Variants in LHFPL3 observed in about 807,000 individuals in gnomAD.
LHFPL3 encodes the protein LHFPL tetraspan subfamily member 3 protein.
LHFPL3 carries 5 observed loss-of-function variants against 19.3 expected under a neutral mutation model. That is an observed-to-expected ratio of 0.26 (90% CI 0.14 to 0.54). LHFPL3 has a LOEUF of 0.54. Among genes scored for constraint, LHFPL3 ranks in the 20% least tolerant of loss-of-function variants. The pLI, the probability that LHFPL3 is intolerant of heterozygous loss-of-function variation, is 0.94. For missense variants in LHFPL3, 249 were observed against 307.4 expected (o/e 0.81, Z 1.42); for synonymous variants, 133 against 126.2 (o/e 1.05, Z -0.36).
chr7:104,876,603 T>G (rs1260937593), intron 2 of LHFPL3, among the ~76,000 whole-genome samples: 25 of 151,224 alleles, frequency 1.7e-4, no homozygotes, highest in African/African-American at 4.6e-4. Flanking sequence ...TTAGAATGGC[T>G]ATCATTAAAA....
At chr7:104,836,386 G>T (rs1195966531) in intron 2 of LHFPL3, among the ~76,000 whole-genome samples, 2 of 152,160 alleles carry the variant, frequency 1.3e-5, no homozygotes, top group Non-Finnish European at 2.9e-5. Flanking sequence ...TGGCTGTCTT[G>T]TTGCTTTCTT....
chr7:104,378,206 A>T (rs1790755499), intron 1 of LHFPL3, among the ~76,000 whole-genome samples: 1 of 152,158 alleles, frequency 6.6e-6, no homozygotes, highest in South Asian at 2.1e-4. Flanking sequence ...CACCCCTAAC[A>T]CTTCCCTCCT....
intron 1 of LHFPL3, among the ~76,000 whole-genome samples, chr7:104,601,376 C>A (rs895997502): frequency 3.3e-5 from 5 of 152,054 alleles, no homozygotes; most frequent in African/African-American, 1.2e-4. Context: ...TGTTGAGTAC[C>A]TCCATGTACC....
At chr7:104,731,768 G>C (rs913893317) in intron 1 of LHFPL3, among the ~76,000 whole-genome samples, 2 of 151,776 alleles carry the variant, frequency 1.3e-5, no homozygotes, top group Non-Finnish European at 2.9e-5. Context: ...ATGTTGAATA[G>C]GAGTGGTGAG....
chr7:104,584,453 TATA>T (rs944172197), intron 1 of LHFPL3, among the ~76,000 whole-genome samples: 8 of 151,948 alleles, frequency 5.3e-5, no homozygotes, highest in African/African-American at 1.7e-4. Flanking sequence ...AAACTTAAAG[TATA>T]ATAATAATAA....
rs570940918 is a variant in LHFPL3, at chr7:104,430,017, A to T, written c.445+100793A>T. Among the ~76,000 whole-genome samples the T allele has an allele frequency of 3.3e-5, 5 of 152,238 alleles. No homozygotes were observed. The East Asian group carries it at 9.7e-4, about 29-fold the overall frequency. On this transcript the variant is annotated intron_variant, in intron 1 of 2. Transcript: ENST00000424859. ...GAGAAATGGCTCAATGGCTCCTCAA[A>T]CCGCTCTAGCTGCTCAACATCGTCT...
intron 1 of LHFPL3, among the ~76,000 whole-genome samples, chr7:104,569,273 T>TAAG (rs1259290782): frequency 2.0e-5 from 3 of 152,250 alleles, no homozygotes; most frequent in Non-Finnish European, 4.4e-5. Flanking sequence ...TGTGTCCTAT[T>TAAG]AAGACTCCAG....
chr7:104,722,806 G>GT (rs909879404), intron 1 of LHFPL3, among the ~76,000 whole-genome samples: 3 of 152,138 alleles, frequency 2.0e-5, no homozygotes, highest in Non-Finnish European at 4.4e-5. Flanking sequence ...GCGGATGCAG[G>GT]TTCCTTTTTT....
At chr7:104,900,589 G>T (rs59920061) in intron 2 of LHFPL3, among the ~76,000 whole-genome samples, 1 of 152,194 alleles carries the variant, frequency 6.6e-6, no homozygotes, top group Admixed American at 6.5e-5. Flanking sequence ...AGGGAGACAG[G>T]AGGAGTCAGC....
intron 1 of LHFPL3, among the ~76,000 whole-genome samples, chr7:104,686,716 G>A (rs1403732527): frequency 1.3e-5 from 2 of 152,188 alleles, no homozygotes; most frequent in African/African-American, 2.4e-5. Flanking sequence ...CAACTGACCA[G>A]CTATGTATTA....
At chr7:104,447,898 C>T (rs975678508) in intron 1 of LHFPL3, among the ~76,000 whole-genome samples, 7 of 152,116 alleles carry the variant, frequency 4.6e-5, no homozygotes, top group Admixed American at 2.0e-4. Context: ...GACACATGTA[C>T]TATGTTAAGT....
At chr7:104,821,557 G>A (rs906767332) in intron 2 of LHFPL3, among the ~76,000 whole-genome samples, 6 of 152,198 alleles carry the variant, frequency 3.9e-5, no homozygotes, top group African/African-American at 1.4e-4. Context: ...TTCCCAGGAG[G>A]CAGAACTGTG....
intron 1 of LHFPL3, among the ~76,000 whole-genome samples, chr7:104,484,687 A>G (rs1477692070): frequency 6.6e-6 from 1 of 152,170 alleles, no homozygotes; most frequent in African/African-American, 2.4e-5. Context: ...ATAGTTCTGG[A>G]GGCTGGGAAG....
chr7:104,844,782 A>G (rs867128288), intron 2 of LHFPL3, among the ~76,000 whole-genome samples: 14 of 152,208 alleles, frequency 9.2e-5, no homozygotes, highest in African/African-American at 3.4e-4. Context: ...GCTGTCACCC[A>G]GGCTGGAGTG....
chr7:104,355,138 T>G (rs974382105), intron 1 of LHFPL3, among the ~76,000 whole-genome samples: 4 of 152,238 alleles, frequency 2.6e-5, no homozygotes, highest in Admixed American at 6.5e-5. Context: ...CAAATAGTAC[T>G]GCTTTCCATG....
chr7:104,382,483 T>C (rs188579900), intron 1 of LHFPL3, among the ~76,000 whole-genome samples: 1 of 152,282 alleles, frequency 6.6e-6, no homozygotes, highest in East Asian at 1.9e-4. Flanking sequence ...CTGGTCTGGT[T>C]ACCCTCAAGC....
At chr7:104,718,225 C>A (rs1314065757) in intron 1 of LHFPL3, among the ~76,000 whole-genome samples, 2 of 152,020 alleles carry the variant, frequency 1.3e-5, no homozygotes, top group East Asian at 1.9e-4. Context: ...ATTCGTAGAA[C>A]ATTGTGCTTA....
chr7:104,722,716 G>T (rs527461856), intron 1 of LHFPL3, among the ~76,000 whole-genome samples: 2 of 152,154 alleles, frequency 1.3e-5, no homozygotes, highest in African/African-American at 4.8e-5. Context: ...TTGTGTGAAA[G>T]TTCCCCCTCC....
chr7:104,730,071 A>T (rs1411749139), intron 1 of LHFPL3, among the ~76,000 whole-genome samples: 1 of 152,184 alleles, frequency 6.6e-6, no homozygotes, highest in East Asian at 1.9e-4. Flanking sequence ...AAAGGACATG[A>T]ACTCATCATT....
Sources: allele counts gnomAD v4.1 joint callset (sites outside exome capture counted in the v4.1 genomes callset), GRCh38; gene constraint gnomAD v4.1.1; transcripts MANE v1.5; gene names NCBI Gene and HGNC (gene_info 2026-07-23, HGNC 2026-07-21).